Variants in ARHGAP31 observed in about 807,000 individuals in gnomAD.
ARHGAP31 encodes rho GTPase-activating protein 31.
ARHGAP31 carries 34 observed loss-of-function variants against 113.9 expected under a neutral mutation model. That is an observed-to-expected ratio of 0.30 (90% CI 0.23 to 0.40). The LOEUF is 0.40. Ranked by LOEUF, ARHGAP31 falls within the 10% of genes least tolerant of loss-of-function variation. ARHGAP31 has a pLI of 1.00. For synonymous variants in ARHGAP31, 650 were observed against 684.8 expected, an observed-to-expected ratio of 0.95 and a Z score of 0.79; for missense variants, 1,548 against 1,767.1, an observed-to-expected ratio of 0.88 and a Z score of 2.22.
chr3:119,407,809 A>T (rs1053920470), intron 10 of ARHGAP31, among the ~76,000 whole-genome samples: 3 of 152,240 alleles, frequency 2.0e-5, no homozygotes, highest in African/African-American at 7.2e-5. Flanking sequence ...AGTAGCAGAC[A>T]TGTGGCTGGG....
At chr3:119,382,180 A>T in intron 4 of ARHGAP31, 112 bp from the exon 5 acceptor site, 3 of 1,085,658 alleles carry the variant, frequency 2.8e-6, no homozygotes, top group Non-Finnish European at 4.2e-6. Flanking sequence ...TCAATTCATT[A>T]AAATAGAAAT....
At chr3:119,399,167 T>C in intron 8 of ARHGAP31, 32 bp from the exon 9 acceptor site, 1 of 1,595,126 alleles carries the variant, frequency 6.3e-7, no homozygotes, top group Non-Finnish European at 8.6e-7. Context: ...TTAATATGCA[T>C]TCATCAAGGA....
At chr3:119,376,300 C>T (rs1023940168) in intron 3 of ARHGAP31, among the ~76,000 whole-genome samples, 2 of 152,098 alleles carry the variant, frequency 1.3e-5, no homozygotes, top group Admixed American at 1.3e-4. Flanking sequence ...ATCAGCCTGG[C>T]CAACATGGTG....
In ARHGAP31 at chr3:119,377,335, A is replaced by G. The variant is rs1237223920; in HGVS notation, c.349-3569A>G. ...TATGAAGAAAAATAATGCAGGGCAC[A>G]GTGGAGAGAATGATGGGGACTCCTG... On this transcript the variant is annotated intron_variant, in intron 3 of 11. Transcript: ENST00000264245. Among the ~76,000 whole-genome samples the G allele has an allele frequency of 3.3e-5, 5 of 152,372 alleles. No homozygotes were observed. The East Asian group carries it at 7.7e-4, about 23-fold the overall frequency.
chr3:119,414,147 G>A lies in ARHGAP31; in HGVS notation c.2218G>A (p.Glu740Lys). Residue 740 changes from glutamate (E) to lysine (K), a missense_variant, in exon 12 of 12, where the codon GAA (glutamate) becomes AAA (lysine). Coordinates refer to ENST00000264245, the MANE Select transcript of ARHGAP31 (RefSeq NM_020754.4). ...ASTAASREKP[E>K]PEQGLHPDLA... ...CACAGCAGCCAGCAGAGAGAAGCCGGAACCTGAGCAGGGCCTGCACCCAGA... is the reference window on the plus strand; with the variant it reads ...CACAGCAGCCAGCAGAGAGAAGCCGAAACCTGAGCAGGGCCTGCACCCAGA... The A allele has an allele frequency of 1.2e-6, 2 of 1,614,176 alleles. No homozygotes were observed. The highest frequency in any genetic ancestry group is 2.7e-5 in the African/African-American group (2 of 75,046).
chr3:119,298,629 C>A (rs1393831111), intron 1 of ARHGAP31: 1 of 152,098 alleles, frequency 6.6e-6, no homozygotes, highest in Non-Finnish European at 1.5e-5. Flanking sequence ...TTTATTTTAC[C>A]CACTCCCTGG....
chr3:119,352,434 T>C (rs557476748), intron 1 of ARHGAP31, among the ~76,000 whole-genome samples: 29 of 152,356 alleles, frequency 1.9e-4, no homozygotes, highest in Non-Finnish European at 2.6e-4. Context: ...GTGAGTCAGA[T>C]AGGCTCTTAC....
intron 1 of ARHGAP31, among the ~76,000 whole-genome samples, chr3:119,333,663 G>T (rs973893815): frequency 1.3e-5 from 2 of 152,188 alleles, no homozygotes; most frequent in Non-Finnish European, 2.9e-5. Context: ...ATTGACAGGT[G>T]AGCTCAGGGA....
chr3:119,350,818 A>T (rs1261880545), intron 1 of ARHGAP31, among the ~76,000 whole-genome samples: 1 of 152,218 alleles, frequency 6.6e-6, no homozygotes, highest in Non-Finnish European at 1.5e-5. Context: ...AATGAGAAAC[A>T]AAAACAAAAC....
At chr3:119,386,927 A>G (rs1169495623) in intron 6 of ARHGAP31, among the ~76,000 whole-genome samples, 1 of 152,244 alleles carries the variant, frequency 6.6e-6, no homozygotes, top group African/African-American at 2.4e-5. Flanking sequence ...ACTGCTATCT[A>G]GAAGGCAGAG....
chr3:119,343,015 T>C (rs1482162362), intron 1 of ARHGAP31, among the ~76,000 whole-genome samples: 1 of 152,090 alleles, frequency 6.6e-6, no homozygotes, highest in Admixed American at 6.6e-5. Context: ...CCATGAACTA[T>C]TTGATCACAA....
At chr3:119,405,291 C>T (rs770489497) in intron 10 of ARHGAP31, among the ~76,000 whole-genome samples, 3 of 152,024 alleles carry the variant, frequency 2.0e-5, no homozygotes, top group Admixed American at 6.6e-5. Flanking sequence ...AAAAATACAG[C>T]GGCTCAAACA....
At chr3:119,413,819 T>C (rs1378320562) in intron 11 of ARHGAP31, 37 bp from the exon 12 acceptor site, 12 of 1,614,026 alleles carry the variant, frequency 7.4e-6, no homozygotes, top group Middle Eastern at 3.3e-4. Flanking sequence ...CCCAGAGTAC[T>C]TAGTTCTAAG....
At chr3:119,329,613 C>T (rs1051266967) in intron 1 of ARHGAP31, among the ~76,000 whole-genome samples, 4 of 152,214 alleles carry the variant, frequency 2.6e-5, no homozygotes, top group African/African-American at 9.6e-5. Context: ...TAACCTCCTT[C>T]CACGGAGTCT....
intron 9 of ARHGAP31, among the ~76,000 whole-genome samples, chr3:119,401,034 G>A (rs1336851679): frequency 2.0e-5 from 3 of 152,038 alleles, no homozygotes; most frequent in South Asian, 2.1e-4. Flanking sequence ...AGCCGGGCGC[G>A]GTGGCAGGTG....
intron 2 of ARHGAP31, among the ~76,000 whole-genome samples, chr3:119,366,435 T>A (rs1381541112): frequency 3.3e-5 from 5 of 152,178 alleles, no homozygotes; most frequent in African/African-American, 1.2e-4. Context: ...TCTTTTTTTT[T>A]TCCTAGAGAA....
chr3:119,322,719 C>T (rs1173110311), intron 1 of ARHGAP31: 1 of 152,844 alleles, frequency 6.5e-6, no homozygotes, highest in Non-Finnish European at 1.5e-5. Flanking sequence ...GGAGCCCTCA[C>T]TTCACTCGCT....
intron 1 of ARHGAP31, among the ~76,000 whole-genome samples, chr3:119,360,239 C>T (rs2080194134): frequency 6.6e-6 from 1 of 152,138 alleles, no homozygotes; most frequent in Admixed American, 6.6e-5. Context: ...CTTGTTGTTG[C>T]CGAGTATATT....
intron 1 of ARHGAP31, among the ~76,000 whole-genome samples, chr3:119,310,886 C>A (rs2079674150): frequency 6.6e-6 from 1 of 152,138 alleles, no homozygotes; most frequent in Non-Finnish European, 1.5e-5. Context: ...TCCTTTTTCC[C>A]AACCCTAAAT....
Sources: allele counts gnomAD v4.1 joint callset (sites outside exome capture counted in the v4.1 genomes callset), GRCh38; gene constraint gnomAD v4.1.1; transcripts MANE v1.5; gene names NCBI Gene and HGNC (gene_info 2026-07-23, HGNC 2026-07-21).